Variants in CTNNA1 observed in about 807,000 individuals in gnomAD.
The protein encoded by CTNNA1 is catenin alpha-1.
A neutral mutation model predicts 98.4 loss-of-function variants in CTNNA1; 37 were observed. The observed-to-expected ratio is 0.38, with a 90% CI of 0.29 to 0.49. The LOEUF (loss-of-function observed/expected upper bound fraction) is 0.49. Among genes scored for constraint, CTNNA1 ranks in the 20% least tolerant of loss-of-function variants. CTNNA1 has a pLI of 0.95. For missense variants in CTNNA1, 761 were observed against 1,147.2 expected, an observed-to-expected ratio of 0.66 and a Z score of 4.86; for synonymous variants, 404 against 413.2, an observed-to-expected ratio of 0.98 and a Z score of 0.27.
At chr5:138,884,215 A>G (rs1322402713) in intron 7 of CTNNA1, among the ~76,000 whole-genome samples, 1 of 152,218 alleles carries the variant, frequency 6.6e-6, no homozygotes, top group Non-Finnish European at 1.5e-5. Context: ...GGTGGATTCA[A>G]AGATTTCCTG....
chr5:138,917,953 C>T, intron 11 of CTNNA1, 55 bp downstream of exon 11: 2 of 1,574,686 alleles, frequency 1.3e-6, no homozygotes, highest in Non-Finnish European at 1.7e-6. Flanking sequence ...TTACTTTTGT[C>T]TAAGTTGTAT....
At chr5:138,761,861 TC>T (rs1752417620) in intron 1 of CTNNA1, 1 of 152,238 alleles carries the variant, frequency 6.6e-6, no homozygotes, top group African/African-American at 2.4e-5. Context: ...TTGAAAGTGA[TC>T]CCCTCACCGC....
At chr5:138,841,000 C>T (rs62381196) in intron 7 of CTNNA1, among the ~76,000 whole-genome samples, 105,144 of 152,022 alleles carry the variant, frequency 0.69, 36,508 homozygotes, top group East Asian at 0.93. Flanking sequence ...CTGTCCTTGT[C>T]GGAGACAGGA....
At chr5:138,902,081 G>A (rs576010325) in intron 9 of CTNNA1, among the ~76,000 whole-genome samples, 98 of 152,246 alleles carry the variant, frequency 6.4e-4, no homozygotes, top group African/African-American at 2.3e-3. Context: ...ATATTTTAAA[G>A]TAATGTTTTA....
At chr5:138,927,143 T>C (rs192671236) in intron 13 of CTNNA1, among the ~76,000 whole-genome samples, 1 of 152,196 alleles carries the variant, frequency 6.6e-6, no homozygotes, top group African/African-American at 2.4e-5. Flanking sequence ...TGGTTCCCTG[T>C]TCCCATCCTG....
chr5:138,875,849 T>C, intron 7 of CTNNA1: 2 of 462,438 alleles, frequency 4.3e-6, no homozygotes, highest in Non-Finnish European at 5.7e-6. Context: ...ATAAACTAGC[T>C]AAGTGGGCTT....
chr5:138,812,072 T>C, intron 4 of CTNNA1, 111 bp from the exon 5 acceptor site: 1 of 887,302 alleles, frequency 1.1e-6, no homozygotes, highest in South Asian at 1.7e-5. Flanking sequence ...GAGCTAAGTT[T>C]GGGTTGCTTT....
At chr5:138,925,154 C>G (rs1029147242) in intron 12 of CTNNA1, 102 bp from the exon 13 acceptor site, 53 of 1,304,950 alleles carry the variant, frequency 4.1e-5, no homozygotes, top group Non-Finnish European at 4.4e-5. Context: ...AGAGGCTCAT[C>G]ATAAGCCTCA....
chr5:138,879,763 T>G (rs1170953261), intron 7 of CTNNA1, among the ~76,000 whole-genome samples: 2 of 152,242 alleles, frequency 1.3e-5, no homozygotes, highest in Non-Finnish European at 2.9e-5. Context: ...CAGCTGATTT[T>G]GATTTTTAAA....
Position 138,917,854 on chromosome 5 carries a change from C to G in CTNNA1, c.1502C>G (p.Ala501Gly). Reference sequence around the variant, plus strand: ...AAACAAGTCCGTGTTCTCACAGATGCTGTCGATGACATTACTTCCATTGAT... The same window carrying G: ...AAACAAGTCCGTGTTCTCACAGATGGTGTCGATGACATTACTTCCATTGAT... ...WEKQVRVLTD[A>G]VDDITSIDDF... Residue 501 changes from alanine (A) to glycine (G), a missense_variant, in exon 11 of 18, where the codon GCT (alanine) becomes GGT (glycine). Physicochemically the swap from Ala to Gly is moderately conservative, Grantham distance 60. Around this residue, in one of 6 missense-constraint regions of CTNNA1, gnomAD observed 287 missense variants for 436.0 expected, o/e 0.66. Coordinates refer to ENST00000302763, the MANE Select transcript of CTNNA1 (RefSeq NM_001903.5). The G allele has an allele frequency of 6.2e-7, 1 of 1,614,214 alleles. No homozygotes were observed. Among genetic ancestry groups the G allele is most frequent in the Non-Finnish European group, 8.5e-7 (1 of 1,180,018 alleles).
intron 7 of CTNNA1, chr5:138,872,027 A>AGTGTGTGTGTGTGTGTGTGT (rs370259988): frequency 1.5e-5 from 2 of 133,066 alleles, no homozygotes; most frequent in Non-Finnish European, 3.2e-5. Context: ...AGAGCGCGAG[A>AGTGTGTGTGTGTGTGTGTGT]GTGTGTGTGT....
At chr5:138,904,972 T>TA (rs1283602292) in intron 10 of CTNNA1, among the ~76,000 whole-genome samples, 1 of 150,492 alleles carries the variant, frequency 6.6e-6, no homozygotes, top group Non-Finnish European at 1.5e-5. Context: ...CAGGTGCCTG[T>TA]AGTGCCAGCT....
At chr5:138,765,197 C>A (rs563616324) in intron 1 of CTNNA1, among the ~76,000 whole-genome samples, 1 of 152,088 alleles carries the variant, frequency 6.6e-6, no homozygotes, top group Non-Finnish European at 1.5e-5. Flanking sequence ...CCCACCACCA[C>A]GCCCAGCTAA....
chr5:138,855,484 T>TG (rs1327668776), intron 7 of CTNNA1, among the ~76,000 whole-genome samples: 1 of 152,244 alleles, frequency 6.6e-6, no homozygotes, highest in African/African-American at 2.4e-5. Flanking sequence ...CAGTTCATAC[T>TG]GGGTTAAACT....
At chr5:138,839,671 T>A (rs903400208) in intron 7 of CTNNA1, among the ~76,000 whole-genome samples, 1 of 152,210 alleles carries the variant, frequency 6.6e-6, no homozygotes, top group African/African-American at 2.4e-5. Flanking sequence ...TCGACCATTC[T>A]TTATTTCAAT....
In CTNNA1 at chr5:138,934,080, C is replaced by T. The variant is rs368569759; in HGVS notation, c.2712C>T (p.Asp904=). 2.5e-6 allele frequency: 4 copies of T among 1,611,854 alleles called. No homozygotes were observed. Among genetic ancestry groups the T allele is most frequent in the African/African-American group, 2.7e-5 (2 of 74,812 alleles). Residue 904 remains aspartate (D), a synonymous_variant, in exon 18 of 18, where the codon GAC becomes GAT. Transcript: ENST00000302763. ...VQALSEFKAM[D]SI ...CCCTCAGCGAGTTCAAAGCTATGGA[C>T]AGCATCTAAGTCTGCCCAGGCCGGC...
At chr5:138,837,492 G>A (rs1480308643) in intron 7 of CTNNA1, among the ~76,000 whole-genome samples, 3 of 81,956 alleles carry the variant, frequency 3.7e-5, no homozygotes, top group African/African-American at 1.6e-4. Flanking sequence ...TCCCCCTCCT[G>A]CTCCTTCCCC....
chr5:138,925,760 T>C (rs1763871410), intron 13 of CTNNA1, among the ~76,000 whole-genome samples: 2 of 152,186 alleles, frequency 1.3e-5, no homozygotes, highest in Admixed American at 1.3e-4. Context: ...GGATTCAAGT[T>C]ATTGTTCACA....
At chr5:138,912,965 C>T (rs114933119) in intron 10 of CTNNA1, among the ~76,000 whole-genome samples, 2,531 of 151,992 alleles carry the variant, frequency 0.017, 80 homozygotes, top group African/African-American at 0.057. Context: ...TGACGTCTCC[C>T]ATTGTTATTT....
Sources: gnomAD v4.1 joint callset for allele counts (sites outside exome capture counted in the v4.1 genomes callset) on GRCh38, gnomAD v4.1.1 for gene constraint, gnomAD v4.1.1 regional missense constraint, MANE v1.5 for transcripts, NCBI Gene and HGNC (gene_info 2026-07-23, HGNC 2026-07-21) for gene names.